ERBB4: variants seen among roughly 807,000 people sequenced by gnomAD.
ERBB4 encodes erb-b2 receptor tyrosine kinase 4.
A neutral mutation model predicts 158.0 loss-of-function variants in ERBB4; 42 were observed. That is an observed-to-expected ratio of 0.27 (90% CI 0.21 to 0.34). The LOEUF is 0.34. Ranked by LOEUF, ERBB4 falls within the 10% of genes least tolerant of loss-of-function variation. The pLI, the probability that ERBB4 is intolerant of heterozygous loss-of-function variation, is 1.00. For synonymous variants in ERBB4, 583 were observed against 558.7 expected (o/e 1.04, Z -0.61); for missense variants, 1,333 against 1,624.1 (o/e 0.82, Z 3.08).
intron 25 of ERBB4, among the ~76,000 whole-genome samples, chr2:211,396,049 G>C (rs936846071): frequency 2.0e-5 from 3 of 151,652 alleles, no homozygotes; most frequent in Non-Finnish European, 4.4e-5. Flanking sequence ...CTTTGAATTT[G>C]AATGCCATAA....
chr2:211,476,783 C>A (rs952591586), intron 20 of ERBB4, among the ~76,000 whole-genome samples: 20 of 152,008 alleles, frequency 1.3e-4, no homozygotes, highest in African/African-American at 4.8e-4. Flanking sequence ...CCTCTAGATC[C>A]AACTAGTAGC....
chr2:212,096,529 G>C (rs1404438951), intron 2 of ERBB4, among the ~76,000 whole-genome samples: 5 of 152,082 alleles, frequency 3.3e-5, no homozygotes, highest in African/African-American at 1.2e-4. Flanking sequence ...TAAAATAAAA[G>C]TGGTGGCTTA....
chr2:211,431,273 A>G (rs895507300), intron 20 of ERBB4, among the ~76,000 whole-genome samples, 173 bp from the exon 21 acceptor site: 2 of 152,224 alleles, frequency 1.3e-5, no homozygotes, highest in Non-Finnish European at 2.9e-5. Flanking sequence ...AGCAAACCAC[A>G]AACAGCTTTT....
chr2:211,825,315 G>T (rs1222981451), intron 3 of ERBB4, among the ~76,000 whole-genome samples: 3 of 151,886 alleles, frequency 2.0e-5, no homozygotes, highest in East Asian at 3.9e-4. Context: ...TACACATTGA[G>T]AATACATACT....
intron 1 of ERBB4, among the ~76,000 whole-genome samples, chr2:212,352,644 G>T (rs1340725856): frequency 2.0e-5 from 3 of 152,036 alleles, no homozygotes; most frequent in East Asian, 3.9e-4. Flanking sequence ...GAGACGGGAG[G>T]ATCACAGGAG....
In ERBB4 at chr2:212,163,108, C is replaced by T. The variant is rs1256824770; in HGVS notation, c.83-38205G>A. On this transcript the variant is annotated intron_variant, in intron 1 of 27. Transcript: ENST00000342788. ...ATCTCTTATCTATGAGAAAAAAATC[C>T]TAACCAATTTTATGGCATGTTTTTT... Among the ~76,000 whole-genome samples the T allele has an allele frequency of 2.0e-5, 3 of 151,982 alleles. No individual in the cohort carries two copies. The East Asian group carries it at 5.8e-4, about 30-fold the overall frequency.
intron 1 of ERBB4, among the ~76,000 whole-genome samples, chr2:212,181,996 G>A (rs2081883457): frequency 6.6e-6 from 1 of 151,674 alleles, no homozygotes; most frequent in South Asian, 2.1e-4. Context: ...TATTTGTGTG[G>A]TAACCTTACC....
intron 1 of ERBB4, among the ~76,000 whole-genome samples, chr2:212,535,782 G>A (rs1217559390): frequency 6.6e-6 from 1 of 152,022 alleles, no homozygotes; most frequent in East Asian, 1.9e-4. Context: ...CTCTAATGCT[G>A]AATTTTTTTC....
At chr2:212,125,385 A>G (rs2079891645) in intron 1 of ERBB4, among the ~76,000 whole-genome samples, 1 of 152,226 alleles carries the variant, frequency 6.6e-6, no homozygotes, top group Non-Finnish European at 1.5e-5. Context: ...ACTAGCACCT[A>G]CAAGACCTCA....
intron 1 of ERBB4, among the ~76,000 whole-genome samples, chr2:212,198,464 T>C (rs1418410351): frequency 6.6e-6 from 1 of 152,212 alleles, no homozygotes; most frequent in African/African-American, 2.4e-5. Context: ...AGTGAAATCA[T>C]ATAATAATAT....
chr2:212,509,921 T>G (rs1377016416), intron 1 of ERBB4, among the ~76,000 whole-genome samples: 1 of 151,924 alleles, frequency 6.6e-6, no homozygotes, highest in Non-Finnish European at 1.5e-5. Context: ...CAGACTACTT[T>G]CAATGCTTAA....
chr2:211,470,787 G>A (rs557881222), intron 20 of ERBB4, among the ~76,000 whole-genome samples: 19 of 152,274 alleles, frequency 1.2e-4, no homozygotes, highest in Non-Finnish European at 2.2e-4. Context: ...TTTAAGCAAC[G>A]AGATTCTAAA....
chr2:212,382,018 G>C (rs181406808), intron 1 of ERBB4, among the ~76,000 whole-genome samples: 1 of 150,794 alleles, frequency 6.6e-6, no homozygotes, highest in South Asian at 2.1e-4. Flanking sequence ...GCATCACTTA[G>C]GAGTCTGTTA....
At chr2:211,548,988 A>C (rs1413776145) in intron 20 of ERBB4, among the ~76,000 whole-genome samples, 1 of 151,990 alleles carries the variant, frequency 6.6e-6, no homozygotes, top group Non-Finnish European at 1.5e-5. Flanking sequence ...CACAAAAGAA[A>C]ATTTTCTTTT....
chr2:211,563,123 TA>T (rs2067451894), intron 19 of ERBB4, among the ~76,000 whole-genome samples: 1 of 152,196 alleles, frequency 6.6e-6, no homozygotes, highest in East Asian at 1.9e-4. Flanking sequence ...TTAATGGGGA[TA>T]AAAGTGGACA....
rs2069736868 is a variant in ERBB4, at chr2:211,624,007, T to C, written c.2117A>G (p.Asn706Ser). The stretch of plus-strand genomic sequence containing the variant: ...TTTCAAAATACGAAGTTGAGCTTGA[T>C]TGGGTGCTGTGCCACTGGGAGTTAA... ...EPLTPSGTAP[N>S]QAQLRILKET... Residue 706 changes from asparagine (N) to serine (S), a missense_variant, in exon 18 of 28, where the codon AAT (asparagine) becomes AGT (serine). By Grantham distance (46) the Asn-to-Ser change is conservative. Transcript: ENST00000342788. 1.9e-6 allele frequency: 3 copies of C among 1,614,100 alleles called. No homozygotes were observed. Among genetic ancestry groups the C allele is most frequent in the Non-Finnish European group, 1.7e-6 (2 of 1,179,970 alleles).
chr2:212,376,771 A>G lies in ERBB4; in HGVS notation c.82+161678T>C, dbSNP rs556173138. ...GACTAAATGTCTGGTATCATCATTT[A>G]CAAAAGTGTCTTGACCTTGACGGAG... On this transcript the variant is annotated intron_variant, in intron 1 of 27. Transcript: ENST00000342788. Among the ~76,000 whole-genome samples, 6 of 152,180 alleles carry G rather than the reference A, an allele frequency of 3.9e-5. No individual in the cohort carries two copies. In the South Asian group the frequency reaches 1.2e-3, roughly 32 times the overall value.
At chr2:212,446,542 C>T (rs1160266205) in intron 1 of ERBB4, among the ~76,000 whole-genome samples, 2 of 122,740 alleles carry the variant, frequency 1.6e-5, no homozygotes, top group Non-Finnish European at 3.4e-5. Flanking sequence ...TATTGTAGGA[C>T]CTTGTGATCA....
chr2:211,833,861 C>A (rs1420361352), intron 3 of ERBB4, among the ~76,000 whole-genome samples: 1 of 151,996 alleles, frequency 6.6e-6, no homozygotes, highest in Non-Finnish European at 1.5e-5. Context: ...ATGAAACTTT[C>A]TAGAAGAGTC....
Sources: allele counts gnomAD v4.1 joint callset (sites outside exome capture counted in the v4.1 genomes callset), GRCh38; gene constraint gnomAD v4.1.1; transcripts MANE v1.5; gene names NCBI Gene and HGNC (gene_info 2026-07-23, HGNC 2026-07-21).